SNW1: variants seen among roughly 807,000 people sequenced by gnomAD.
The protein encoded by SNW1 is SNW domain-containing protein 1.
Under a neutral mutation model 75.6 loss-of-function variants are expected in SNW1, and 9 were observed. The ratio of observed to expected loss-of-function variants is 0.12; its 90% CI spans 0.07 to 0.21. SNW1 has a LOEUF of 0.21. Among genes scored for constraint, SNW1 ranks in the 10% least tolerant of loss-of-function variants. The probability of loss-of-function intolerance (pLI) is 1.00; values close to 1 mark genes in which losing one functional copy is unlikely to be tolerated. For missense variants in SNW1, 409 were observed against 670.9 expected, an observed-to-expected ratio of 0.61 and a Z score of 4.31; for synonymous variants, 200 against 219.1, an observed-to-expected ratio of 0.91 and a Z score of 0.77.
chr14:77,734,288 GTTC>G (rs1280645043), intron 8 of SNW1, among the ~76,000 whole-genome samples: 2 of 152,268 alleles, frequency 1.3e-5, no homozygotes, highest in East Asian at 3.9e-4. Flanking sequence ...CATTTACTCT[GTTC>G]TTTTGTCATA....
At chr14:77,735,558 C>T (rs2139908597) in intron 7 of SNW1, among the ~76,000 whole-genome samples, 1 of 152,340 alleles carries the variant, frequency 6.6e-6, no homozygotes, top group East Asian at 1.9e-4. Context: ...GCTGGGATTA[C>T]AGGCGTGAGC....
Position 77,732,467 on chromosome 14 carries a change from A to C in SNW1, c.891+18T>G. On this transcript the variant is annotated intron_variant, in intron 9 of 13. Transcript: ENST00000261531. ...TTTAAAAGTAACAAGAGCATTAAACAAATTATAACAAACCAACCTTCCGAT... is the reference window on the plus strand; with the variant it reads ...TTTAAAAGTAACAAGAGCATTAAACCAATTATAACAAACCAACCTTCCGAT... 4 of 1,330,378 alleles carry C rather than the reference A, an allele frequency of 3.0e-6. No individual in the cohort carries two copies. 82.4% of individuals were successfully genotyped at this position (1,330,378 alleles called of 1,614,324 possible).
chr14:77,733,924 T>C (rs796826149), intron 8 of SNW1: 1 of 445,904 alleles, frequency 2.2e-6, no homozygotes, highest in South Asian at 1.6e-5. Flanking sequence ...GTCTCTCAAA[T>C]GTTGACTTTT....
intron 1 of SNW1, among the ~76,000 whole-genome samples, chr14:77,756,219 C>T (rs1029140477): frequency 7.2e-5 from 11 of 151,896 alleles, no homozygotes; most frequent in African/African-American, 1.5e-4. Flanking sequence ...CGCCTGGATT[C>T]GTGTGATTCT....
Position 77,755,075 on chromosome 14 carries a change from A to C in SNW1, c.60T>G (p.Ala20=). 1 of 1,613,152 alleles carries C rather than the reference A, an allele frequency of 6.2e-7. No individual in the cohort carries two copies. Among genetic ancestry groups the C allele is most frequent in the Non-Finnish European group, 8.5e-7 (1 of 1,179,946 alleles). ...PTQLSQDQLE[A]EEKARSQRSR... The stretch of plus-strand genomic sequence containing the variant: ...ATCTCTGGGATCTTGCCTTTTCTTC[A>C]GCCTCAAGCTGGTCCTGAGATAGCT... Residue 20 remains alanine, a synonymous_variant, in exon 2 of 14, where the codon GCT becomes GCG. Transcript: ENST00000261531.
At chr14:77,721,405 A>G (rs1254663418) in intron 11 of SNW1, among the ~76,000 whole-genome samples, 3 of 152,198 alleles carry the variant, frequency 2.0e-5, no homozygotes, top group Non-Finnish European at 4.4e-5. Flanking sequence ...TACTTGTTTT[A>G]CTAAAAACTC....
At chr14:77,733,531 G>A (rs1046730691) in intron 8 of SNW1, among the ~76,000 whole-genome samples, 1 of 152,000 alleles carries the variant, frequency 6.6e-6, no homozygotes, top group African/African-American at 2.4e-5. Context: ...GATTGCTTGA[G>A]CCCAGGAGTT....
chr14:77,733,860 C>A, intron 8 of SNW1: 1 of 353,534 alleles, frequency 2.8e-6, no homozygotes, highest in Non-Finnish European at 5.7e-6. Context: ...AAGAACTGTA[C>A]TTGAATGTCT....
intron 12 of SNW1, among the ~76,000 whole-genome samples, chr14:77,719,030 C>A (rs2080515173): frequency 6.6e-6 from 1 of 152,152 alleles, no homozygotes; most frequent in South Asian, 2.1e-4. Flanking sequence ...CCTCCCACCT[C>A]AGCCTCCCAA....
intron 3 of SNW1, among the ~76,000 whole-genome samples, chr14:77,739,416 C>A (rs1249049139): frequency 6.6e-6 from 1 of 152,098 alleles, no homozygotes; most frequent in Non-Finnish European, 1.5e-5. Context: ...CACCATTAAC[C>A]TGGATTACAA....
intron 10 of SNW1, among the ~76,000 whole-genome samples, chr14:77,729,823 A>G (rs2080614890): frequency 6.6e-6 from 1 of 152,192 alleles, no homozygotes; most frequent in Non-Finnish European, 1.5e-5. Context: ...ACCTCAATAA[A>G]GCTGGAAAAC....
Position 77,755,082 on chromosome 14 carries a change from A to C in SNW1, c.53T>G (p.Leu18Arg). ...PAPTQLSQDQ[L>R]EAEEKARSQR... ...GGATCTTGCCTTTTCTTCAGCCTCA[A>C]GCTGGTCCTGAGATAGCTGAGTAGG... The change falls in exon 2 of 14, where the codon CTT (leucine) becomes CGT (arginine). Residue 18 changes from leucine (L) to arginine (R), a missense_variant. Coordinates refer to ENST00000261531, the MANE Select transcript of SNW1 (RefSeq NM_012245.3). 6.2e-7 allele frequency: 1 copy of C among 1,613,096 alleles called. No homozygotes were observed. Among genetic ancestry groups the C allele is most frequent in the Non-Finnish European group, 8.5e-7 (1 of 1,179,956 alleles).
At chr14:77,756,969 A>G (rs1270093853) in intron 1 of SNW1, among the ~76,000 whole-genome samples, 1 of 152,220 alleles carries the variant, frequency 6.6e-6, no homozygotes, top group Non-Finnish European at 1.5e-5. Flanking sequence ...AGTCAAGGTA[A>G]CCTTTCTACT....
At chr14:77,726,212 G>C (rs941725048) in intron 10 of SNW1, among the ~76,000 whole-genome samples, 1 of 152,152 alleles carries the variant, frequency 6.6e-6, no homozygotes. Flanking sequence ...TGTGTCTAGA[G>C]CTAGCTTTGG....
chr14:77,752,084 A>ACT (rs1356547421), intron 2 of SNW1, among the ~76,000 whole-genome samples: 1 of 152,206 alleles, frequency 6.6e-6, no homozygotes, highest in Non-Finnish European at 1.5e-5. Context: ...AAACTAAGTA[A>ACT]AATGGCTAGG....
In SNW1 at chr14:77,738,834, G is replaced by C. The variant is rs570300053; in HGVS notation, c.477C>G (p.Val159=). 12 of 1,613,974 alleles carry C rather than the reference G, an allele frequency of 7.4e-6. No individual in the cohort carries two copies. The highest frequency in any genetic ancestry group is 4.5e-5 in the East Asian group (2 of 44,890). The part of the protein sequence containing the change: ...VALEKSVSQK[V]AAAMPVRAAD... ...CTGCTCGAACTGGCATGGCTGCGGC[G>C]ACCTTCTGTGATACAGATTTTTCTA... The change falls in exon 5 of 14, where the codon GTC becomes GTG. Residue 159 remains valine (V), a synonymous_variant. Transcript: ENST00000261531.
rs1360903837 is a variant in SNW1, at chr14:77,751,323, T to C, written c.326A>G (p.Asp109Gly). Reference sequence around the variant, plus strand: ...GGGAAAACATGAGAGGATTACCTTGTCTTTTGACTGTCCTTGTCGAGCAAT... The same window carrying C: ...GGGAAAACATGAGAGGATTACCTTGCCTTTTGACTGTCCTTGTCGAGCAAT... ...DAIARQGQSK[D>G]KVIYSKYTDL... Residue 109 changes from aspartate (D) to glycine (G), a missense_variant, in exon 3 of 14, where the codon GAC becomes GGC. Coordinates refer to ENST00000261531, the MANE Select transcript of SNW1 (RefSeq NM_012245.3). 1.2e-6 allele frequency: 2 copies of C among 1,610,550 alleles called. No homozygotes were observed. Among genetic ancestry groups the C allele is most frequent in the African/African-American group, 2.7e-5 (2 of 74,766 alleles).
At chr14:77,736,936 TTGTG>T in intron 6 of SNW1, 31 bp downstream of exon 6, 1 of 1,391,572 alleles carries the variant, frequency 7.2e-7, no homozygotes, top group Non-Finnish European at 1.0e-6. Flanking sequence ...ATCCATGTTA[TTGTG>T]TGTATTAGTA....
intron 6 of SNW1, among the ~76,000 whole-genome samples, chr14:77,736,251 TA>T (rs2080670483): frequency 6.6e-6 from 1 of 152,166 alleles, no homozygotes; most frequent in Non-Finnish European, 1.5e-5. Flanking sequence ...TTTTCCACTT[TA>T]AAAAGCAGCT....
Sources: gnomAD v4.1 joint callset for allele counts (sites outside exome capture counted in the v4.1 genomes callset) on GRCh38, gnomAD v4.1.1 for gene constraint, MANE v1.5 for transcripts, NCBI Gene and HGNC (gene_info 2026-07-23, HGNC 2026-07-21) for gene names.